Variants in PRELID2 observed in about 807,000 individuals in gnomAD.
The protein encoded by PRELID2 is PRELI domain containing 2.
In PRELID2, 25 loss-of-function variants were observed where a neutral mutation model predicts 28.4. The observed-to-expected ratio is 0.88, with a 90% confidence interval of 0.64 to 1.23. The LOEUF (loss-of-function observed/expected upper bound fraction) is 1.23, where lower values mean the gene tolerates loss of function less well. Among genes scored for constraint, PRELID2 ranks in the 50% most tolerant of loss-of-function variants. The probability of loss-of-function intolerance (pLI) is 0.00; values close to 1 mark genes in which losing one functional copy is unlikely to be tolerated. For synonymous variants in PRELID2, 76 were observed against 71.6 expected, an observed-to-expected ratio of 1.06 and a Z score of -0.31; for missense variants, 201 against 214.4, an observed-to-expected ratio of 0.94 and a Z score of 0.39.
chr5:145,768,905 GGA>G (rs1180294370), intron 5 of PRELID2, among the ~76,000 whole-genome samples: 1 of 151,906 alleles, frequency 6.6e-6, no homozygotes, highest in Admixed American at 6.6e-5. Context: ...ATGGCGGCAG[GGA>G]GAGAGAGGCC....
At chr5:145,451,985 T>C in the PRELID2 span, among the ~76,000 whole-genome samples, 1 of 152,208 alleles carries the variant, frequency 6.6e-6, no homozygotes. Flanking sequence ...TTCTTGCTTT[T>C]CCAAATTGTC....
the PRELID2 span, among the ~76,000 whole-genome samples, chr5:145,250,304 T>G: frequency 1.3e-5 from 2 of 152,118 alleles, no homozygotes; most frequent in African/African-American, 4.8e-5. Context: ...TCTGAGTTGA[T>G]GAGTATTTTA....
At chr5:145,725,242 T>G (rs1756112829) in intron 1 of PRELID2, among the ~76,000 whole-genome samples, 1 of 152,114 alleles carries the variant, frequency 6.6e-6, no homozygotes, top group Non-Finnish European at 1.5e-5. Context: ...CATAATAAGG[T>G]GCTCAGAATC....
At chr5:145,234,086 GT>G in the PRELID2 span, among the ~76,000 whole-genome samples, 1 of 152,122 alleles carries the variant, frequency 6.6e-6, no homozygotes, top group Non-Finnish European at 1.5e-5. Context: ...GTAGTGGAAG[GT>G]TATATGCAAG....
At chr5:145,229,606 G>T in the PRELID2 span, 1 of 1,189,304 alleles carries the variant, frequency 8.4e-7, no homozygotes, top group Non-Finnish European at 1.2e-6. Context: ...AGCACGGTGT[G>T]GGCTTATTGC....
intron 1 of PRELID2, among the ~76,000 whole-genome samples, chr5:145,826,920 T>C (rs1456627185): frequency 1.3e-5 from 2 of 152,106 alleles, no homozygotes; most frequent in African/African-American, 4.8e-5. Context: ...ATATGAACTT[T>C]CCAAAAAGCT....
chr5:145,652,585 G>C (rs1053855007), intron 1 of PRELID2, among the ~76,000 whole-genome samples: 1 of 152,160 alleles, frequency 6.6e-6, no homozygotes, highest in Non-Finnish European at 1.5e-5. Flanking sequence ...AAGAGAGTGG[G>C]GGCCAATATT....
At chr5:145,402,035 C>T in the PRELID2 span, among the ~76,000 whole-genome samples, 3 of 152,180 alleles carry the variant, frequency 2.0e-5, no homozygotes, top group African/African-American at 7.2e-5. Context: ...TAGTTATCTG[C>T]TTCTTCCATG....
intron 1 of PRELID2, among the ~76,000 whole-genome samples, chr5:145,528,200 T>C (rs1752625074): frequency 6.6e-6 from 1 of 152,146 alleles, no homozygotes; most frequent in Non-Finnish European, 1.5e-5. Flanking sequence ...TTTACCTGAG[T>C]TGTAGTTTCA....
At chr5:145,475,652 G>C (rs1184508986) in intron 1 of PRELID2, among the ~76,000 whole-genome samples, 1 of 152,288 alleles carries the variant, frequency 6.6e-6, no homozygotes, top group East Asian at 1.9e-4. Context: ...AAATATGTAA[G>C]AATAGAGTTT....
the PRELID2 span, among the ~76,000 whole-genome samples, chr5:145,299,254 T>G: frequency 6.6e-6 from 1 of 152,148 alleles, no homozygotes; most frequent in East Asian, 1.9e-4. Flanking sequence ...ATGTTCTTAG[T>G]ATTATCAGAC....
the PRELID2 span, among the ~76,000 whole-genome samples, chr5:145,248,633 A>C: frequency 0.083 from 12,560 of 151,932 alleles, 1,123 homozygotes; most frequent in African/African-American, 0.23. Context: ...CCCATCTCTA[A>C]TAAAAATACA....
intron 5 of PRELID2, among the ~76,000 whole-genome samples, chr5:145,788,076 G>T (rs568490703): frequency 6.6e-6 from 1 of 152,062 alleles, no homozygotes. Flanking sequence ...TCCTCTTTGG[G>T]TCCCTGAGGT....
At chr5:145,796,025 C>T (rs931947034) in intron 5 of PRELID2, 2 of 153,526 alleles carry the variant, frequency 1.3e-5, no homozygotes, top group South Asian at 2.0e-4. Flanking sequence ...AATAACAGCT[C>T]CTGCAAAGGT....
the PRELID2 span, among the ~76,000 whole-genome samples, chr5:145,425,866 C>T: frequency 2.8e-4 from 43 of 152,076 alleles, no homozygotes; most frequent in African/African-American, 9.9e-4. Context: ...AAAAATAATT[C>T]AGCAAAAGTT....
chr5:145,297,876 C>T, the PRELID2 span, among the ~76,000 whole-genome samples: 1 of 151,858 alleles, frequency 6.6e-6, no homozygotes, highest in Admixed American at 6.6e-5. Flanking sequence ...ACAATTGCTT[C>T]AAAGAGAATA....
the PRELID2 span, among the ~76,000 whole-genome samples, chr5:145,433,387 G>A: frequency 6.6e-6 from 1 of 152,006 alleles, no homozygotes; most frequent in East Asian, 1.9e-4. Flanking sequence ...CCAGACCTGG[G>A]GCCTTGTAGA....
chr5:145,711,285 G>A lies in PRELID2; in HGVS notation n.70+53646C>T, dbSNP rs1217666965. Among the ~76,000 whole-genome samples the A allele has an allele frequency of 4.6e-5, 7 of 152,170 alleles. No individual in the cohort carries two copies. The South Asian group carries it at 1.5e-3, about 32-fold the overall frequency. The stretch of plus-strand genomic sequence containing the variant: ...GAATAGGACAGTGACCTACAAAATC[G>A]CAGTTTTGTGGAGGCCATTAAAAAT... On this transcript the variant is annotated intron_variant and non_coding_transcript_variant, in intron 1 of 2. Transcript: ENST00000510259.
chr5:145,478,745 T>C (rs1161418042), intron 1 of PRELID2, among the ~76,000 whole-genome samples: 1 of 152,188 alleles, frequency 6.6e-6, no homozygotes. Context: ...TGTTTACTTG[T>C]ATGACTCACA....
Sources: allele counts gnomAD v4.1 joint callset (sites outside exome capture counted in the v4.1 genomes callset), GRCh38; gene constraint gnomAD v4.1.1; transcripts MANE v1.5; gene names NCBI Gene and HGNC (gene_info 2026-07-23, HGNC 2026-07-21).